CELF2: variants seen among roughly 807,000 people sequenced by gnomAD.
CELF2 encodes CUGBP Elav-like family member 2, also known as CUG triplet repeat RNA-binding protein 2.
Under a neutral mutation model 62.6 loss-of-function variants are expected in CELF2, and 8 were observed. The ratio of observed to expected loss-of-function variants is 0.13; its 90% CI spans 0.07 to 0.23. The LOEUF is 0.23. CELF2 is among the 10% of genes least tolerant of loss of function. The probability of loss-of-function intolerance (pLI) is 1.00; values close to 1 mark genes in which losing one functional copy is unlikely to be tolerated. For missense variants in CELF2, 333 were observed against 671.0 expected, an observed-to-expected ratio of 0.50 and a Z score of 5.56; for synonymous variants, 258 against 250.0, an observed-to-expected ratio of 1.03 and a Z score of -0.30.
Position 11,165,052 on chromosome 10 carries a change from C to A in CELF2, c.75-434C>A. ...CCAAAAAGGGCGGTGGGGCGGGGGG[C>A]GGGGCAGGGAGAGGGAGAGAAATCC... On this transcript the variant is annotated intron_variant, in intron 1 of 12. Transcript: ENST00000633077. This position sits in a 1 kb window ranked among gnomAD's most constrained non-coding sequence, Gnocchi z 7.4. 2.0e-6 allele frequency: 2 copies of A among 978,948 alleles called. No homozygotes were observed. Among genetic ancestry groups the A allele is most frequent in the Non-Finnish European group, 2.4e-6 (2 of 828,304 alleles). The allele number at this position is 978,948 out of a possible 1,614,324, so 60.6% of individuals were successfully genotyped here. A position where few individuals can be genotyped will look rare whatever the true frequency, so the allele number is the denominator to read the frequency against.
Position 11,056,741 on chromosome 10 carries a change from ACTTAT to A in CELF2, c.74+38583_74+38587del, listed in dbSNP as rs372371730. 8.0e-3 allele frequency among the ~76,000 whole-genome samples: 1,226 copies of A among 152,346 alleles called. 14 individuals carry two copies. Among genetic ancestry groups the A allele is most frequent in the African/African-American group, 0.027 (1,121 of 41,570 alleles). Reference sequence around the variant, plus strand: ...TGCATTTTCATGAAGATAGTAGACCACTTATCTTAGGTGAAGAAGATACTAAGAGC... The same window carrying A: ...TGCATTTTCATGAAGATAGTAGACCACTTAGGTGAAGAAGATACTAAGAGC... On this transcript the variant is annotated intron_variant, in intron 1 of 12. Transcript: ENST00000633077.
At chr10:10,946,466 AAG>A (rs1592260651) in intron 2 of CELF2, 1 of 152,580 alleles carries the variant, frequency 6.6e-6, no homozygotes, top group South Asian at 2.1e-4. Flanking sequence ...CCTTCAGTTT[AAG>A]AGAGTAGTAA....
chr10:10,506,682 T>TC, the CELF2 span, among the ~76,000 whole-genome samples: 1 of 129,594 alleles, frequency 7.7e-6, no homozygotes, highest in African/African-American at 2.9e-5. Flanking sequence ...TTTTTTTTTT[T>TC]TTTTTTTTTT....
At chr10:10,577,920 C>G in the CELF2 span, among the ~76,000 whole-genome samples, 1 of 152,148 alleles carries the variant, frequency 6.6e-6, no homozygotes, top group Non-Finnish European at 1.5e-5. Context: ...TTCTAGATCC[C>G]TGAGGAATCG....
intron 5 of CELF2, among the ~76,000 whole-genome samples, chr10:11,259,889 T>G (rs765718024): frequency 1.3e-5 from 2 of 152,236 alleles, no homozygotes; most frequent in Admixed American, 1.3e-4. Context: ...TGATTCCTTT[T>G]CTGGTGCCAA....
chr10:10,794,107 C>T (rs913677318), upstream of CELF2, among the ~76,000 whole-genome samples: 4 of 152,178 alleles, frequency 2.6e-5, no homozygotes, highest in Non-Finnish European at 5.9e-5. Flanking sequence ...CCTTGACTAT[C>T]ATTGTTGCCA....
In CELF2 at chr10:10,938,495, G is replaced by C. The variant is rs1486683539; in HGVS notation, c.89+18496G>C. Among the ~76,000 whole-genome samples, 1 of 152,270 alleles carries C rather than the reference G, an allele frequency of 6.6e-6. No homozygotes were observed. Among genetic ancestry groups the C allele is most frequent in the East Asian group, 1.9e-4 (1 of 5,188 alleles). ...TTTATGGATTTTTGTGACACTGAGG[G>C]ATATGTTAAAATACCATTGCAAACA... On this transcript the variant is annotated intron_variant, in intron 2 of 13. Transcript: ENST00000636488. The surrounding 1 kb of genome is among the most constrained non-coding windows in gnomAD (Gnocchi z 4.2).
At chr10:10,745,016 G>A in the CELF2 span, among the ~76,000 whole-genome samples, 53 of 151,464 alleles carry the variant, frequency 3.5e-4, 1 homozygote, top group Admixed American at 1.3e-3. Flanking sequence ...AGCCTGACTC[G>A]AAGGCGTGAA....
chr10:11,081,471 G>A (rs757320205), intron 1 of CELF2, among the ~76,000 whole-genome samples: 67 of 152,060 alleles, frequency 4.4e-4, no homozygotes, highest in Non-Finnish European at 7.5e-4. Flanking sequence ...GAGCATTCAC[G>A]TTCCCAATAG....
the CELF2 span, among the ~76,000 whole-genome samples, chr10:10,472,593 G>A: frequency 2.0e-5 from 3 of 151,746 alleles, no homozygotes; most frequent in African/African-American, 7.3e-5. Context: ...TCCTGTTTAT[G>A]GCCCATACTT....
At chr10:10,847,642 T>C (rs1450038744) in intron 1 of CELF2, among the ~76,000 whole-genome samples, 1 of 152,226 alleles carries the variant, frequency 6.6e-6, no homozygotes, top group Non-Finnish European at 1.5e-5. Flanking sequence ...TAGTGTATTT[T>C]AAAAGGTTTC....
At chr10:10,587,194 C>G in the CELF2 span, among the ~76,000 whole-genome samples, 1 of 152,158 alleles carries the variant, frequency 6.6e-6, no homozygotes, top group Non-Finnish European at 1.5e-5. Flanking sequence ...GAGAAAGCAA[C>G]AGACCACCCT....
chr10:11,067,823 T>C (rs1329107637), intron 1 of CELF2, among the ~76,000 whole-genome samples: 1 of 152,230 alleles, frequency 6.6e-6, no homozygotes, highest in Non-Finnish European at 1.5e-5. Flanking sequence ...GGGCAAGTTA[T>C]TTAACCTTCT....
the CELF2 span, among the ~76,000 whole-genome samples, chr10:10,487,997 C>T: frequency 6.6e-6 from 1 of 151,878 alleles, no homozygotes; most frequent in Non-Finnish European, 1.5e-5. Context: ...AAAAATGTAA[C>T]AGTGAAAGCC....
chr10:11,109,149 G>A lies in CELF2; in HGVS notation c.75-56337G>A, dbSNP rs150430616. Among the ~76,000 whole-genome samples the A allele has an allele frequency of 8.2e-3, 1,245 of 152,298 alleles. 5 individuals are homozygous for A. The highest frequency in any genetic ancestry group is 0.013 in the Non-Finnish European group (881 of 68,024). ...ATGTTTACGGCCCTCAGAAGGGAGG[G>A]ATTTTTGTGTTTCTGTTGCTCCTGT... On this transcript the variant is annotated intron_variant, in intron 1 of 12. Coordinates refer to ENST00000633077, the MANE Select transcript of CELF2 (RefSeq NM_001326342.2).
the CELF2 span, among the ~76,000 whole-genome samples, chr10:10,469,049 C>T: frequency 8.6e-5 from 13 of 151,954 alleles, no homozygotes; most frequent in African/African-American, 2.7e-4. Context: ...TCATAATATG[C>T]ATTTTTCATG....
At chr10:11,031,965 C>T (rs998580680) in intron 1 of CELF2, among the ~76,000 whole-genome samples, 4 of 152,078 alleles carry the variant, frequency 2.6e-5, no homozygotes, top group East Asian at 3.8e-4. Context: ...ATCACAGTGG[C>T]ACCTCCTCAC....
At chr10:10,780,454 CGTTTGTTTGTTTGTTT>C in the CELF2 span, among the ~76,000 whole-genome samples, 1,234 of 149,070 alleles carry the variant, frequency 8.3e-3, 19 homozygotes, top group African/African-American at 0.026. Flanking sequence ...CAGAGGGAAA[CGTTTGTTTGTTTGTTT>C]GTTTGTTTGT....
intron 1 of CELF2, among the ~76,000 whole-genome samples, chr10:11,090,806 G>A (rs901043773): frequency 6.6e-6 from 1 of 152,128 alleles, no homozygotes; most frequent in Non-Finnish European, 1.5e-5. Flanking sequence ...TTTTAAGAGG[G>A]TTAGGTCATA....
Sources: gnomAD v4.1 joint callset for allele counts (sites outside exome capture counted in the v4.1 genomes callset) on GRCh38, gnomAD v4.1.1 for gene constraint, Gnocchi (gnomAD v3.1) non-coding constraint, MANE v1.5 for transcripts, NCBI Gene and HGNC (gene_info 2026-07-23, HGNC 2026-07-21) for gene names.